The following TCF7L2 variants were observed in gnomAD, a reference collection of about 807,000 sequenced individuals.
TCF7L2 encodes the protein transcription factor 7-like 2.
Under a neutral mutation model 77.9 loss-of-function variants are expected in TCF7L2, and 23 were observed. The ratio of observed to expected loss-of-function variants is 0.30; its 90% CI spans 0.21 to 0.42. The LOEUF is 0.42. Ranked by LOEUF, TCF7L2 falls within the 10% of genes least tolerant of loss-of-function variation. The probability of loss-of-function intolerance (pLI) is 1.00; values close to 1 mark genes in which losing one functional copy is unlikely to be tolerated. For synonymous variants in TCF7L2, 413 were observed against 340.2 expected (o/e 1.21, Z -2.36); for missense variants, 654 against 793.1 (o/e 0.82, Z 2.11).
chr10:112,966,480 C>T (rs2036936987), intron 4 of TCF7L2, among the ~76,000 whole-genome samples: 1 of 152,076 alleles, frequency 6.6e-6, no homozygotes, highest in Non-Finnish European at 1.5e-5. Context: ...ACCCTAACTC[C>T]TGGTGCCTGA....
In TCF7L2 at chr10:113,166,640, T is replaced by C. The variant is rs749566548; in HGVS notation, c.*668T>C. On this transcript the variant is annotated 3_prime_UTR_variant, in exon 14 of 14. Transcript: ENST00000627217. Reference sequence around the variant, plus strand: ...CTGTTGGGCCAGTAGTATTTATTGCTTTAGAGATTGCTTGTCGTACCTGTA... The same window carrying C: ...CTGTTGGGCCAGTAGTATTTATTGCCTTAGAGATTGCTTGTCGTACCTGTA... 23 of 230,918 alleles carry C rather than the reference T, an allele frequency of 1.0e-4. No homozygotes were observed. Among genetic ancestry groups the C allele is most frequent in the Non-Finnish European group, 1.7e-4 (20 of 116,714 alleles). 14.3% of individuals were successfully genotyped at this position (230,918 alleles called of 1,614,324 possible). A position where few individuals can be genotyped will look rare whatever the true frequency, so the allele number is the denominator to read the frequency against.
At chr10:113,103,778 GC>G (rs2061943348) in intron 5 of TCF7L2, among the ~76,000 whole-genome samples, 2 of 152,144 alleles carry the variant, frequency 1.3e-5, no homozygotes, top group Admixed American at 6.5e-5. Context: ...TGTGGTCCTT[GC>G]TGCTGTGTTC....
chr10:113,006,433 A>AT (rs906649428), intron 4 of TCF7L2, among the ~76,000 whole-genome samples: 3 of 151,634 alleles, frequency 2.0e-5, no homozygotes, highest in East Asian at 1.9e-4. Context: ...CCAGTGATGG[A>AT]TTTTTTTTTC....
Position 113,166,567 on chromosome 10 carries a change from T to C in TCF7L2, c.*595T>C. 1 of 227,652 alleles carries C rather than the reference T, an allele frequency of 4.4e-6. No homozygotes were observed. Among genetic ancestry groups the C allele is most frequent in the East Asian group, 6.3e-5 (1 of 15,854 alleles). 14.1% of individuals were successfully genotyped at this position (227,652 alleles called of 1,614,324 possible). A position where few individuals can be genotyped will look rare whatever the true frequency, so the allele number is the denominator to read the frequency against. ...AATATACCTTGTTCCATGGTGTTGT[T>C]CTTTTGGGGGGAGGGGACGCTACTC... On this transcript the variant is annotated 3_prime_UTR_variant, in exon 14 of 14. Coordinates refer to ENST00000627217, the MANE Select transcript of TCF7L2 (RefSeq NM_001146274.2).
At chr10:113,070,708 C>T (rs573035033) in intron 5 of TCF7L2, among the ~76,000 whole-genome samples, 2 of 152,252 alleles carry the variant, frequency 1.3e-5, no homozygotes, top group South Asian at 4.2e-4. Flanking sequence ...AAATTTTCAG[C>T]CAGGGGAGAG....
chr10:112,996,525 A>G (rs2043519339), intron 4 of TCF7L2, among the ~76,000 whole-genome samples: 1 of 152,178 alleles, frequency 6.6e-6, no homozygotes, highest in Non-Finnish European at 1.5e-5. Context: ...CTTGGCCTTC[A>G]GCATTTAGTG....
intron 5 of TCF7L2, among the ~76,000 whole-genome samples, chr10:113,063,160 A>T (rs570658009): frequency 1.3e-5 from 2 of 152,240 alleles, no homozygotes; most frequent in East Asian, 3.9e-4. Flanking sequence ...CCTAAGCCCT[A>T]CTTCAAGAAA....
chr10:113,027,643 A>G (rs1001853395), intron 4 of TCF7L2, among the ~76,000 whole-genome samples: 1 of 152,172 alleles, frequency 6.6e-6, no homozygotes, highest in South Asian at 2.1e-4. Context: ...AAATGAGGTT[A>G]TTGTGCTCGA....
intron 4 of TCF7L2, among the ~76,000 whole-genome samples, chr10:113,014,111 C>T (rs1450721012): frequency 6.6e-6 from 1 of 152,194 alleles, no homozygotes; most frequent in Non-Finnish European, 1.5e-5. Flanking sequence ...GGGCATGTGC[C>T]TCGAGTGCGT....
intron 5 of TCF7L2, among the ~76,000 whole-genome samples, chr10:113,140,269 G>A: frequency 6.6e-6 from 1 of 152,040 alleles, no homozygotes; most frequent in East Asian, 1.9e-4. Flanking sequence ...GGGAGGTGGG[G>A]GAAAGAGGAG....
chr10:113,075,136 A>G (rs905700102), intron 5 of TCF7L2, among the ~76,000 whole-genome samples: 1 of 152,188 alleles, frequency 6.6e-6, no homozygotes, highest in Non-Finnish European at 1.5e-5. Flanking sequence ...GATTACAGGT[A>G]TAAGCCACAG....
Position 113,101,910 on chromosome 10 carries a change from G to A in TCF7L2, c.553-39274G>A, listed in dbSNP as rs1345207324. 4.7e-5 allele frequency among the ~76,000 whole-genome samples: 7 copies of A among 150,144 alleles called. No individual in the cohort carries two copies. In the South Asian group the frequency reaches 1.1e-3, roughly 23 times the overall value. On this transcript the variant is annotated intron_variant, in intron 5 of 13. Transcript: ENST00000627217. ...TCCCAGCACTTTGGGAGGCCAAGGC[G>A]GGTGGATTGCCTGAGCTCAGGAGTT...
At chr10:112,964,945 A>G (rs1275095045) in intron 4 of TCF7L2, among the ~76,000 whole-genome samples, 1 of 152,122 alleles carries the variant, frequency 6.6e-6, no homozygotes, top group Non-Finnish European at 1.5e-5. Flanking sequence ...TTGACCGGGC[A>G]TAATGGGCAC....
chr10:113,098,097 C>T (rs2061254444), intron 5 of TCF7L2, among the ~76,000 whole-genome samples: 1 of 149,684 alleles, frequency 6.7e-6, no homozygotes, highest in South Asian at 2.1e-4. Flanking sequence ...AAACACATGT[C>T]GTACCTGAAG....
chr10:113,037,533 C>T (rs1318429388), intron 4 of TCF7L2, among the ~76,000 whole-genome samples: 3 of 152,104 alleles, frequency 2.0e-5, no homozygotes, highest in Admixed American at 2.0e-4. Context: ...AATGTGGGCT[C>T]ATAAAAATAT....
At chr10:113,037,239 C>T (rs1447940889) in intron 4 of TCF7L2, among the ~76,000 whole-genome samples, 1 of 152,168 alleles carries the variant, frequency 6.6e-6, no homozygotes, top group Non-Finnish European at 1.5e-5. Flanking sequence ...ACTTCATCAG[C>T]CTGAATGCCA....
chr10:113,159,922 C>G, intron 12 of TCF7L2: 1 of 1,495,430 alleles, frequency 6.7e-7, no homozygotes, highest in East Asian at 2.7e-5. Context: ...TCATTCAGAC[C>G]TGAGCGCTCC....
Position 112,965,669 on chromosome 10 carries a change from GT to G in TCF7L2, c.450+1046del, listed in dbSNP as rs1184971412. On this transcript the variant is annotated intron_variant, in intron 4 of 13. Coordinates refer to ENST00000627217, the MANE Select transcript of TCF7L2 (RefSeq NM_001146274.2). The stretch of plus-strand genomic sequence containing the variant: ...TGTGTGTGTGTGTGTGTGTGTGTGT[GT>G]GTGTGTGGTCTTAGGTAGCTGCAGC... Among the ~76,000 whole-genome samples, 5 of 134,504 alleles carry G rather than the reference GT, an allele frequency of 3.7e-5. No homozygotes were observed. The Admixed American group carries it at 3.8e-4, about 10-fold the overall frequency. 88.2% of individuals were successfully genotyped at this position (134,504 alleles called of 152,430 possible). A position where few individuals can be genotyped will look rare whatever the true frequency, so the allele number is the denominator to read the frequency against.
At chr10:113,031,130 C>T (rs534070105) in intron 4 of TCF7L2, among the ~76,000 whole-genome samples, 1 of 152,338 alleles carries the variant, frequency 6.6e-6, no homozygotes, top group South Asian at 2.1e-4. Context: ...TCCCTCATAA[C>T]TGTGTATAAC....
Sources: gnomAD v4.1 joint callset for allele counts (sites outside exome capture counted in the v4.1 genomes callset) on GRCh38, gnomAD v4.1.1 for gene constraint, MANE v1.5 for transcripts, NCBI Gene and HGNC (gene_info 2026-07-23, HGNC 2026-07-21) for gene names.